PPP1R9A: variants seen among roughly 807,000 people sequenced by gnomAD.
PPP1R9A encodes the protein neurabin-1.
A neutral mutation model predicts 141.9 loss-of-function variants in PPP1R9A; 59 were observed. The ratio of observed to expected loss-of-function variants is 0.42; its 90% CI spans 0.34 to 0.52. The LOEUF (loss-of-function observed/expected upper bound fraction) is 0.52, where lower values mean the gene tolerates loss of function less well. PPP1R9A is among the 20% of genes least tolerant of loss of function. The pLI is 0.10. For synonymous variants in PPP1R9A, 500 were observed against 569.7 expected (o/e 0.88, Z 1.74); for missense variants, 1,444 against 1,611.9 (o/e 0.90, Z 1.78).
intron 2 of PPP1R9A, among the ~76,000 whole-genome samples, chr7:94,920,478 A>C (rs114881569): frequency 0.011 from 1,666 of 152,192 alleles, 32 homozygotes; most frequent in African/African-American, 0.038. Flanking sequence ...GAAATTTTAT[A>C]TTTTAGGAGG....
At chr7:94,987,084 A>G (rs1800946540) in intron 2 of PPP1R9A, among the ~76,000 whole-genome samples, 1 of 152,186 alleles carries the variant, frequency 6.6e-6, no homozygotes, top group Non-Finnish European at 1.5e-5. Context: ...GAAGTTTAGG[A>G]ATAAAAATAA....
At chr7:95,180,089 A>C (rs892928754) in intron 5 of PPP1R9A, among the ~76,000 whole-genome samples, 34 of 152,190 alleles carry the variant, frequency 2.2e-4, no homozygotes, top group African/African-American at 7.5e-4. Flanking sequence ...CAAAAAGAAC[A>C]AATCTGGAGC....
At chr7:95,253,025 C>A (rs945734747) in intron 12 of PPP1R9A, among the ~76,000 whole-genome samples, 6 of 152,182 alleles carry the variant, frequency 3.9e-5, no homozygotes, top group Non-Finnish European at 8.8e-5. Flanking sequence ...TATGTTCTTA[C>A]ACACACAACA....
At chr7:95,082,035 G>C (rs76492275) in intron 2 of PPP1R9A, among the ~76,000 whole-genome samples, 4,117 of 152,206 alleles carry the variant, frequency 0.027, 186 homozygotes, top group African/African-American at 0.094. Flanking sequence ...GTCATTGTTT[G>C]ACCTGTGTGG....
Position 94,911,189 on chromosome 7 carries a change from A to C in PPP1R9A, c.1076A>C (p.Gln359Pro), listed in dbSNP as rs746943860. 10 of 1,614,086 alleles carry C rather than the reference A, an allele frequency of 6.2e-6. No homozygotes were observed. The highest frequency in any genetic ancestry group is 4.2e-6 in the Non-Finnish European group (5 of 1,180,030). ...ANLVGREAAKQQRKELAGGDF... is the reference protein window; with the variant it reads ...ANLVGREAAKPQRKELAGGDF... ...TTGGTTGGAAGGGAGGCAGCAAAGC[A>C]ACAGAGGAAAGAACTTGCAGGTGGT... The change falls in exon 2 of 20, where the codon CAA (glutamine) becomes CCA (proline). Residue 359 changes from glutamine to proline, a missense_variant. Physicochemically the swap from Gln to Pro is moderately conservative, Grantham distance 76. Around this residue, in one of 5 missense-constraint regions of PPP1R9A, gnomAD observed 490 missense variants for 521.1 expected, o/e 0.94. Transcript: ENST00000433360.
intron 2 of PPP1R9A, among the ~76,000 whole-genome samples, chr7:94,920,145 A>G (rs1792600858): frequency 6.6e-6 from 1 of 152,208 alleles, no homozygotes; most frequent in East Asian, 1.9e-4. Flanking sequence ...AAATGAGTAA[A>G]ATATTAAGTC....
intron 2 of PPP1R9A, among the ~76,000 whole-genome samples, chr7:95,043,096 TCTTCTTTAC>T (rs1488368042): frequency 6.6e-6 from 1 of 152,226 alleles, no homozygotes; most frequent in African/African-American, 2.4e-5. Flanking sequence ...TTAGGTCTTT[TCTTCTTTAC>T]CTTCTTTAAA....
intron 2 of PPP1R9A, among the ~76,000 whole-genome samples, chr7:94,988,730 G>T (rs1313582351): frequency 6.6e-6 from 1 of 152,042 alleles, no homozygotes; most frequent in Non-Finnish European, 1.5e-5. Context: ...TTCTGTAGGT[G>T]TAAAGTAGGC....
At chr7:94,956,220 G>A (rs1797056445) in intron 2 of PPP1R9A, among the ~76,000 whole-genome samples, 1 of 152,026 alleles carries the variant, frequency 6.6e-6, no homozygotes, top group South Asian at 2.1e-4. Context: ...ATTTCAGAAA[G>A]GACACAAGCT....
Position 95,085,391 on chromosome 7 carries a change from C to T in PPP1R9A, c.1396-25868C>T, listed in dbSNP as rs990868562. On this transcript the variant is annotated intron_variant, in intron 2 of 19. Transcript: ENST00000433360. ...CTAGGATTATAGGCATGAGCCACTGCGCTCAGCAAAAAAGAAAAAAAAATT... is the reference window on the plus strand; with the variant it reads ...CTAGGATTATAGGCATGAGCCACTGTGCTCAGCAAAAAAGAAAAAAAAATT... Among the ~76,000 whole-genome samples, 24 of 149,908 alleles carry T rather than the reference C, an allele frequency of 1.6e-4. 1 individual carries two copies. The highest frequency in any genetic ancestry group is 4.4e-4 in the African/African-American group (18 of 40,598).
chr7:95,015,303 T>C (rs926058746), intron 2 of PPP1R9A, among the ~76,000 whole-genome samples: 1 of 151,996 alleles, frequency 6.6e-6, no homozygotes, highest in Non-Finnish European at 1.5e-5. Context: ...TCTATCTATA[T>C]TTAAAAATCT....
In PPP1R9A at chr7:95,111,337, G is replaced by A; in HGVS notation, c.1474G>A (p.Glu492Lys). ...VDPVAASAEY[E>K]LEKRVEKLEL... The stretch of plus-strand genomic sequence containing the variant: ...CCCTGTGGCTGCTTCAGCTGAGTAT[G>A]AACTTGAAAAACGTGTAGAAAAGCT... Residue 492 changes from glutamate to lysine, a missense_variant, in exon 3 of 20, where the codon GAA becomes AAA. Transcript: ENST00000433360. 6.2e-7 allele frequency: 1 copy of A among 1,613,530 alleles called. No individual in the cohort carries two copies. The highest frequency in any genetic ancestry group is 8.5e-7 in the Non-Finnish European group (1 of 1,179,658).
intron 2 of PPP1R9A, among the ~76,000 whole-genome samples, chr7:95,008,306 C>G (rs1195732114): frequency 1.3e-5 from 2 of 151,940 alleles, no homozygotes; most frequent in African/African-American, 4.8e-5. Context: ...GGGGAAACAC[C>G]TACTTGAAAT....
intron 7 of PPP1R9A, among the ~76,000 whole-genome samples, chr7:95,208,968 A>AAAAAAAAAAAAAAAAAAC (rs1791486237): frequency 1.3e-5 from 2 of 148,470 alleles, no homozygotes; most frequent in Middle Eastern, 3.4e-3. Context: ...AAAAAAAAAA[A>AAAAAAAAAAAAAAAAAAC]AAAAAAAAAA....
chr7:94,943,349 G>A (rs1334554398), intron 2 of PPP1R9A, among the ~76,000 whole-genome samples: 2 of 152,152 alleles, frequency 1.3e-5, no homozygotes, highest in Admixed American at 6.5e-5. Flanking sequence ...TGTAAACAAA[G>A]GCTTTCTGAA....
At position 94,909,847 on chromosome 7, in the gene PPP1R9A, A is replaced by G. The variant is rs78046625; in HGVS notation, c.-216-51A>G. ...AAAAATGTATGTTATTTGACTAGAC[A>G]TAAATTCAAATAAGTAAATGAATTC... On this transcript the variant is annotated intron_variant, in intron 1 of 19. Transcript: ENST00000433360. The G allele has an allele frequency of 1.3e-3, 382 of 302,784 alleles. 1 individual carries two copies. Among genetic ancestry groups the G allele is most frequent in the African/African-American group, 7.7e-3 (359 of 46,868 alleles). 18.8% of individuals were successfully genotyped at this position (302,784 alleles called of 1,614,324 possible). A position where few individuals can be genotyped will look rare whatever the true frequency, so the allele number is the denominator to read the frequency against.
chr7:95,199,205 G>A (rs1380426726), intron 6 of PPP1R9A, among the ~76,000 whole-genome samples: 1 of 152,132 alleles, frequency 6.6e-6, no homozygotes, highest in Non-Finnish European at 1.5e-5. Flanking sequence ...TCTTTGAAAT[G>A]TACATTGATA....
intron 2 of PPP1R9A, among the ~76,000 whole-genome samples, chr7:94,958,119 G>T (rs1263943705): frequency 6.6e-6 from 1 of 151,948 alleles, no homozygotes; most frequent in Admixed American, 6.6e-5. Context: ...TGTGGTTGTT[G>T]GTCTCAGTAG....
chr7:95,112,996 G>T (rs1258671421), intron 3 of PPP1R9A, among the ~76,000 whole-genome samples: 1 of 152,058 alleles, frequency 6.6e-6, no homozygotes, highest in Non-Finnish European at 1.5e-5. Context: ...TTCAGGTAAA[G>T]GTTACACTAA....
Sources: gnomAD v4.1 joint callset for allele counts (sites outside exome capture counted in the v4.1 genomes callset) on GRCh38, gnomAD v4.1.1 for gene constraint, gnomAD v4.1.1 regional missense constraint, MANE v1.5 for transcripts, NCBI Gene and HGNC (gene_info 2026-07-23, HGNC 2026-07-21) for gene names.